The following TRIM49C variants were observed in gnomAD, a reference collection of about 807,000 sequenced individuals.
TRIM49C encodes the protein tripartite motif-containing protein 49C.
Under a neutral mutation model 21.4 loss-of-function variants are expected in TRIM49C, and 6 were observed. The observed-to-expected ratio is 0.28, with a 90% CI of 0.15 to 0.55. The LOEUF (loss-of-function observed/expected upper bound fraction) is 0.55, where lower values mean the gene tolerates loss of function less well. TRIM49C is among the 20% of genes least tolerant of loss of function. The pLI, the probability that TRIM49C is intolerant of heterozygous loss-of-function variation, is 0.94. For missense variants in TRIM49C, 161 were observed against 442.4 expected (o/e 0.36, Z 5.71); for synonymous variants, 57 against 148.1 (o/e 0.38, Z 4.47).
rs746008046 is a variant in TRIM49C at position 90,041,274 on chromosome 11, T to A, written c.1083T>A (p.Tyr361Ter). Residue 361 changes from tyrosine to a stop codon, truncating the protein, a stop_gained, in exon 8 of 8, where the codon TAT becomes TAA. Transcript: ENST00000448984. LOFTEE classifies it low-confidence loss of function (END_TRUNC). ...GGGCTTTTGGTGTCTGTAATATGTA[T>A]CGGAAGGAGAAGAATCAGAATGAGA... ...WNWAFGVCNMYRKEKNQNEKI... is the reference protein window; with the variant it reads ...WNWAFGVCNM 6.3e-7 allele frequency: 1 copy of A among 1,583,370 alleles called. No homozygotes were observed. The highest frequency in any genetic ancestry group is 8.6e-7 in the Non-Finnish European group (1 of 1,161,346).
the TRIM49C span, among the ~76,000 whole-genome samples, chr11:90,056,182 G>A: frequency 7.4e-6 from 1 of 135,982 alleles, no homozygotes; most frequent in Non-Finnish European, 1.6e-5. Flanking sequence ...AGATGGTCTC[G>A]ATCTCCTGAC....
the TRIM49C span, among the ~76,000 whole-genome samples, chr11:90,055,595 A>G: frequency 6.6e-6 from 1 of 151,442 alleles, no homozygotes; most frequent in African/African-American, 2.4e-5. Flanking sequence ...TATATCTTAC[A>G]ACTTGGTGTG....
chr11:90,062,848 G>A, the TRIM49C span: 5 of 1,392,358 alleles, frequency 3.6e-6, 1 homozygote, highest in South Asian at 2.8e-5. Context: ...GAAGGGCAGC[G>A]CATTGGTGCT....
At chr11:90,071,720 G>A in the TRIM49C span, 5 of 1,268,178 alleles carry the variant, frequency 3.9e-6, 1 homozygote, top group African/African-American at 1.5e-5. Flanking sequence ...TGCTGCACAT[G>A]CTCCAGCCTG....
chr11:90,057,149 C>T, the TRIM49C span, among the ~76,000 whole-genome samples: 1 of 127,316 alleles, frequency 7.9e-6, no homozygotes, highest in Non-Finnish European at 1.6e-5. Flanking sequence ...TTTTATTTAC[C>T]CGAATGCAAA....
At chr11:90,069,015 C>G in the TRIM49C span, among the ~76,000 whole-genome samples, 1 of 126,646 alleles carries the variant, frequency 7.9e-6, no homozygotes, top group African/African-American at 3.3e-5. Context: ...TAGAGTGACG[C>G]ATTGTGATAA....
Position 90,035,382 on chromosome 11 carries a change from G to A in TRIM49C, c.171G>A (p.Lys57=). Residue 57 remains lysine (K), a synonymous_variant, in exon 3 of 8, where the codon AAG becomes AAA. Transcript: ENST00000448984. Reference sequence around the variant, plus strand: ...TTGTCCAGTGCTCTGAATGCACAAAGTCAACAGAGCAGATAAACCTCAAAA... The same window carrying A: ...TTGTCCAGTGCTCTGAATGCACAAAATCAACAGAGCAGATAAACCTCAAAA... The part of the protein sequence containing the change: ...PFLVQCSECT[K]STEQINLKTN... 2.7e-6 allele frequency: 4 copies of A among 1,486,322 alleles called. No homozygotes were observed. The highest frequency in any genetic ancestry group is 3.6e-6 in the Non-Finnish European group (4 of 1,105,060). 92.1% of individuals were successfully genotyped at this position (1,486,322 alleles called of 1,614,324 possible). A position where few individuals can be genotyped will look rare whatever the true frequency, so the allele number is the denominator to read the frequency against.
At chr11:90,044,598 CCTT>C (rs1285903360), downstream of TRIM49C, among the ~76,000 whole-genome samples, 1 of 65,692 alleles carries the variant, frequency 1.5e-5, no homozygotes, top group Non-Finnish European at 2.7e-5. Context: ...CTTTTCATCT[CCTT>C]CACCCACTTT....
the TRIM49C span, among the ~76,000 whole-genome samples, chr11:90,056,068 C>T: frequency 2.2e-5 from 3 of 133,958 alleles, 1 homozygote; most frequent in Admixed American, 8.4e-5. Context: ...ACGCCATTCT[C>T]CTGCCTCAGC....
chr11:90,063,313 T>C, the TRIM49C span, among the ~76,000 whole-genome samples: 1 of 126,618 alleles, frequency 7.9e-6, no homozygotes, highest in Non-Finnish European at 1.6e-5. Context: ...TCCTGAATAC[T>C]TTATCTCTAG....
rs659882 is a variant in TRIM49C, at chr11:90,033,958, A to C, written c.-4-1250A>C. Among the ~76,000 whole-genome samples the C allele has an allele frequency of 2.0e-3, 164 of 80,122 alleles. 2 individuals carry two copies. Among genetic ancestry groups the C allele is most frequent in the African/African-American group, 0.017 (150 of 8,672 alleles). 52.6% of individuals were successfully genotyped at this position (80,122 alleles called of 152,430 possible). A position where few individuals can be genotyped will look rare whatever the true frequency, so the allele number is the denominator to read the frequency against. On this transcript the variant is annotated intron_variant, in intron 2 of 7. Coordinates refer to ENST00000448984, the MANE Select transcript of TRIM49C (RefSeq NM_001195234.1). ...GATACTCTGTCTCAAAAAAAAAAAC[A>C]AAAAAAAAAACTAAAAACACCTGAC...
the TRIM49C span, chr11:90,062,642 C>G: frequency 3.4e-6 from 5 of 1,484,132 alleles, no homozygotes; most frequent in Non-Finnish European, 4.5e-6. Context: ...GAGCCATGTG[C>G]TCTGGTGACT....
the TRIM49C span, among the ~76,000 whole-genome samples, chr11:90,056,978 C>T: frequency 2.2e-3 from 330 of 148,778 alleles, 14 homozygotes; most frequent in African/African-American, 8.0e-3. Context: ...AAAATAAGCA[C>T]ACTTCTTTAT....
At chr11:90,062,320 G>T in the TRIM49C span, among the ~76,000 whole-genome samples, 1 of 126,622 alleles carries the variant, frequency 7.9e-6, no homozygotes. Flanking sequence ...TTTGAAAAGT[G>T]TTCTTGGTGC....
the TRIM49C span, chr11:90,073,104 G>A: frequency 2.6e-6 from 2 of 763,180 alleles, no homozygotes; most frequent in South Asian, 1.4e-5. Flanking sequence ...TGGGCTCTGG[G>A]AGTCTGTAAG....
the TRIM49C span, among the ~76,000 whole-genome samples, chr11:90,070,702 T>A: frequency 7.1e-6 from 1 of 140,948 alleles, no homozygotes; most frequent in Non-Finnish European, 1.5e-5. Flanking sequence ...GAGAATACAT[T>A]TTAAAAGTGT....
At chr11:90,037,093 ATGTATGTG>A (rs1440196361) in intron 4 of TRIM49C, among the ~76,000 whole-genome samples, 10 of 66,702 alleles carry the variant, frequency 1.5e-4, no homozygotes, top group African/African-American at 5.6e-4. Flanking sequence ...GTATGTATGT[ATGTATGTG>A]TGTGTGTTTG....
At chr11:90,036,808 C>G (rs1228118347) in intron 4 of TRIM49C, among the ~76,000 whole-genome samples, 1 of 138,494 alleles carries the variant, frequency 7.2e-6, no homozygotes, top group Admixed American at 8.4e-5. Flanking sequence ...GGTCAATACA[C>G]AAATATATGC....
At chr11:90,055,629 T>C in the TRIM49C span, among the ~76,000 whole-genome samples, 4 of 150,672 alleles carry the variant, frequency 2.7e-5, no homozygotes, top group Non-Finnish European at 4.4e-5. Flanking sequence ...TTTGAACCTA[T>C]AGGATGGGAA....
Sources: gnomAD v4.1 joint callset for allele counts (sites outside exome capture counted in the v4.1 genomes callset) on GRCh38, gnomAD v4.1.1 for gene constraint, MANE v1.5 for transcripts, NCBI Gene and HGNC (gene_info 2026-07-23, HGNC 2026-07-21) for gene names.